TOM1L2: variants seen among roughly 807,000 people sequenced by gnomAD.
TOM1L2 encodes the protein TOM1-like protein 2.
A neutral mutation model predicts 67.9 loss-of-function variants in TOM1L2; 31 were observed. That is an observed-to-expected ratio of 0.46 (90% CI 0.34 to 0.62). The LOEUF (loss-of-function observed/expected upper bound fraction) is 0.62, where lower values mean the gene tolerates loss of function less well. Among genes scored for constraint, TOM1L2 ranks in the 20% least tolerant of loss-of-function variants. The pLI is 0.01. For missense variants in TOM1L2, 606 were observed against 663.5 expected (o/e 0.91, Z 0.95); for synonymous variants, 256 against 254.0 (o/e 1.01, Z -0.07).
At chr17:17,968,347 G>C (rs2041941179) in intron 1 of TOM1L2, among the ~76,000 whole-genome samples, 1 of 152,156 alleles carries the variant, frequency 6.6e-6, no homozygotes, top group Non-Finnish European at 1.5e-5. Context: ...GGTCCAAAGA[G>C]ACTAAAAGTT....
intron 1 of TOM1L2, among the ~76,000 whole-genome samples, chr17:17,934,502 G>C (rs1035412663): frequency 1.3e-5 from 2 of 152,160 alleles, no homozygotes; most frequent in African/African-American, 4.8e-5. Flanking sequence ...AGCCTGAAAG[G>C]CTAGCCCCTG....
At chr17:17,857,274 C>T (rs1411330328) in intron 12 of TOM1L2, among the ~76,000 whole-genome samples, 1 of 152,174 alleles carries the variant, frequency 6.6e-6, no homozygotes, top group Non-Finnish European at 1.5e-5. Context: ...CAAGAGGTTT[C>T]AAATCATTTT....
chr17:17,874,687 A>C (rs889426069), intron 7 of TOM1L2, among the ~76,000 whole-genome samples: 15 of 152,208 alleles, frequency 9.9e-5, no homozygotes, highest in Admixed American at 7.9e-4. Context: ...TGATCTCATC[A>C]ACAGTCAGCA....
intron 1 of TOM1L2, among the ~76,000 whole-genome samples, chr17:17,946,840 T>C (rs1418281905): frequency 6.6e-6 from 1 of 152,174 alleles, no homozygotes; most frequent in Non-Finnish European, 1.5e-5. Flanking sequence ...TTCTCCTGCC[T>C]CAGCCTCCCA....
chr17:17,847,788 A>G lies in TOM1L2; in HGVS notation c.1376-5T>C. On this transcript the variant is annotated splice_region_variant and splice_polypyrimidine_tract_variant and intron_variant, in intron 14 of 14. Coordinates refer to ENST00000379504, the MANE Select transcript of TOM1L2 (RefSeq NM_001082968.2). ...CTTCAAGGAATTTATCAAACTCTGC[A>G]ATACAAACCAAGGCAAGGGTCAGGG... The G allele has an allele frequency of 1.2e-6, 2 of 1,613,964 alleles. No homozygotes were observed. The highest frequency in any genetic ancestry group is 2.2e-5 in the South Asian group (2 of 91,076).
At chr17:17,948,905 G>C (rs561479070) in intron 1 of TOM1L2, among the ~76,000 whole-genome samples, 1 of 152,262 alleles carries the variant, frequency 6.6e-6, no homozygotes, top group African/African-American at 2.4e-5. Flanking sequence ...TGTGAGGGGT[G>C]GGGGGAAAGA....
intron 5 of TOM1L2, among the ~76,000 whole-genome samples, chr17:17,884,039 G>A (rs1324975416): frequency 1.3e-5 from 2 of 152,110 alleles, no homozygotes; most frequent in Non-Finnish European, 2.9e-5. Flanking sequence ...GTGCCAAGCT[G>A]CCCCCTCCAC....
At chr17:17,956,135 T>A (rs1318106396) in intron 1 of TOM1L2, among the ~76,000 whole-genome samples, 6 of 152,222 alleles carry the variant, frequency 3.9e-5, no homozygotes, top group African/African-American at 1.4e-4. Flanking sequence ...TTACCACTAC[T>A]GCCTCTGGCC....
At chr17:17,906,320 G>T (rs528933118) in intron 2 of TOM1L2, among the ~76,000 whole-genome samples, 176 of 151,830 alleles carry the variant, frequency 1.2e-3, no homozygotes, top group Non-Finnish European at 2.1e-3. Flanking sequence ...GTAAAGACAA[G>T]ATTCAACCGT....
intron 3 of TOM1L2, among the ~76,000 whole-genome samples, 166 bp from the exon 4 acceptor site, chr17:17,893,976 C>T (rs747076349): frequency 2.0e-4 from 30 of 152,214 alleles, no homozygotes; most frequent in Non-Finnish European, 3.7e-4. Flanking sequence ...CGCATTCCCA[C>T]ACTCCATTCT....
chr17:17,872,923 C>A (rs1256034662), intron 7 of TOM1L2, among the ~76,000 whole-genome samples: 1 of 152,186 alleles, frequency 6.6e-6, no homozygotes, highest in Non-Finnish European at 1.5e-5. Flanking sequence ...AGGCACAGGA[C>A]GTGCAAGTCA....
intron 12 of TOM1L2, among the ~76,000 whole-genome samples, chr17:17,856,688 C>T (rs1272897778): frequency 1.3e-5 from 2 of 152,236 alleles, no homozygotes; most frequent in Non-Finnish European, 2.9e-5. Flanking sequence ...ATCATCTTTC[C>T]TTCTCTGCAT....
rs144019597 is a variant in TOM1L2, at chr17:17,928,093, G to A, written c.53-20562C>T. ...TTGATAATTGTAGAAGCTCAATGAT[G>A]AGTATGTGGGGGTTCATTATAGTCA... On this transcript the variant is annotated intron_variant, in intron 1 of 14. Transcript: ENST00000379504. Among the ~76,000 whole-genome samples, 70 of 152,158 alleles carry A rather than the reference G, an allele frequency of 4.6e-4. 1 individual carries two copies. Among genetic ancestry groups the A allele is most frequent in the Admixed American group, 3.1e-3 (48 of 15,270 alleles).
chr17:17,870,162 G>A lies in TOM1L2; in HGVS notation c.778-689C>T, dbSNP rs1365603501. Among the ~76,000 whole-genome samples the A allele has an allele frequency of 3.3e-5, 5 of 152,152 alleles. No homozygotes were observed. In the South Asian group the frequency reaches 6.2e-4, roughly 19 times the overall value. On this transcript the variant is annotated intron_variant, in intron 7 of 14. Transcript: ENST00000379504. ...TTGGTGGCACGTCTGCCACTTTGCC[G>A]AGACCTCAGAAGCCCAGGCAGCTCC...
intron 1 of TOM1L2, among the ~76,000 whole-genome samples, chr17:17,937,148 T>C (rs1009065624): frequency 1.1e-4 from 16 of 152,178 alleles, no homozygotes; most frequent in African/African-American, 3.4e-4. Flanking sequence ...GCCTGGCAAA[T>C]TGTCCCTACT....
chr17:17,927,843 G>C (rs1203974424), intron 1 of TOM1L2, among the ~76,000 whole-genome samples: 1 of 151,820 alleles, frequency 6.6e-6, no homozygotes, highest in Admixed American at 6.6e-5. Flanking sequence ...TTTTGTATTC[G>C]TGGTACAGCC....
At chr17:17,882,669 A>C in intron 6 of TOM1L2, 36 bp downstream of exon 6, 1 of 1,605,604 alleles carries the variant, frequency 6.2e-7, no homozygotes, top group Admixed American at 1.7e-5. Flanking sequence ...AAGGATAGTC[A>C]GCTGGCTTGC....
At chr17:17,882,225 T>C (rs1025584718) in intron 6 of TOM1L2, among the ~76,000 whole-genome samples, 3 of 152,184 alleles carry the variant, frequency 2.0e-5, no homozygotes, top group African/African-American at 4.8e-5. Context: ...CTCTGCATGA[T>C]AGACAAGCCC....
Position 17,952,755 on chromosome 17 carries a change from G to A in TOM1L2, c.52+19507C>T, listed in dbSNP as rs2041265506. Among the ~76,000 whole-genome samples the A allele has an allele frequency of 2.0e-5, 3 of 152,084 alleles. No homozygotes were observed. In the South Asian group the frequency reaches 6.2e-4, roughly 32 times the overall value. ...CTGTGTCAGTCCCATTCACTGAAGG[G>A]CAAACAAACAGCTTTAGGATGCCCA... On this transcript the variant is annotated intron_variant, in intron 1 of 14. Transcript: ENST00000379504.
Sources: allele counts gnomAD v4.1 joint callset (sites outside exome capture counted in the v4.1 genomes callset), GRCh38; gene constraint gnomAD v4.1.1; transcripts MANE v1.5; gene names NCBI Gene and HGNC (gene_info 2026-07-23, HGNC 2026-07-21).